PIAS1: variants seen among roughly 807,000 people sequenced by gnomAD.
PIAS1 encodes protein inhibitor of activated STAT 1.
Under a neutral mutation model 71.3 loss-of-function variants are expected in PIAS1, and 6 were observed. The ratio of observed to expected loss-of-function variants is 0.08; its 90% CI spans 0.05 to 0.17. The LOEUF (loss-of-function observed/expected upper bound fraction) is 0.17, where lower values mean the gene tolerates loss of function less well. PIAS1 is among the 10% of genes least tolerant of loss of function. PIAS1 has a pLI of 1.00. For synonymous variants in PIAS1, 303 were observed against 292.9 expected (o/e 1.03, Z -0.35); for missense variants, 555 against 793.6 (o/e 0.70, Z 3.61).
chr15:68,086,637 A>T lies in PIAS1; in HGVS notation c.356A>T (p.Glu119Val). ...LPVSLLGPKH[E>V]LELPHLTSAL... ...GTTTCTCTTCTGGGACCTAAACATG[A>T]ACTGGAACTCCCACATCTTACATCA... is the stretch of plus-strand genomic sequence containing the variant. The change falls in exon 2 of 14, where the codon GAA becomes GTA. Residue 119 changes from glutamate to valine, a missense_variant. By Grantham distance (121) the Glu-to-Val change is moderately radical. Transcript: ENST00000249636. This position sits in a 1 kb window ranked among gnomAD's most constrained non-coding sequence, Gnocchi z 7.2. 2.5e-6 allele frequency: 4 copies of T among 1,613,402 alleles called. No homozygotes were observed. The highest frequency in any genetic ancestry group is 3.4e-6 in the Non-Finnish European group (4 of 1,179,368).
chr15:68,066,402 C>G (rs1377744695), intron 1 of PIAS1, among the ~76,000 whole-genome samples: 3 of 152,140 alleles, frequency 2.0e-5, no homozygotes, highest in African/African-American at 4.8e-5. Flanking sequence ...AGCCACCATG[C>G]CTGGCCTGAT....
At chr15:68,176,765 A>G (rs2141094152) in intron 11 of PIAS1, 111 bp downstream of exon 11, 1 of 789,788 alleles carries the variant, frequency 1.3e-6, no homozygotes, top group Non-Finnish European at 1.9e-6. Flanking sequence ...TTAACTTAGC[A>G]ATCAAAGAAT....
At chr15:68,109,478 T>C (rs372811164) in intron 2 of PIAS1, among the ~76,000 whole-genome samples, 6 of 152,302 alleles carry the variant, frequency 3.9e-5, no homozygotes, top group South Asian at 2.1e-4. Context: ...TCAGTAAATA[T>C]TAGTTGAGTA....
chr15:68,094,736 G>T (rs1365507024), intron 2 of PIAS1, among the ~76,000 whole-genome samples: 1 of 152,142 alleles, frequency 6.6e-6, no homozygotes, highest in Non-Finnish European at 1.5e-5. Context: ...AGATAATTCA[G>T]CATAAACTGT....
chr15:68,140,279 A>G (rs1004758579), intron 2 of PIAS1, among the ~76,000 whole-genome samples: 2 of 152,174 alleles, frequency 1.3e-5, no homozygotes, highest in Non-Finnish European at 2.9e-5. Context: ...GAGTAATATG[A>G]ATTTTTGGAC....
rs2093093924 is a variant in PIAS1 at position 68,187,255 on chromosome 15, T to C, written c.1663-287T>C. Among the ~76,000 whole-genome samples the C allele has an allele frequency of 6.6e-6, 1 of 152,190 alleles. No individual in the cohort carries two copies. Among genetic ancestry groups the C allele is most frequent in the African/African-American group, 2.4e-5 (1 of 41,452 alleles). ...CCTCCTGCTGCTTCTGAGCATATGC[T>C]TCTTGGGAAATAGAATTGGTAATTG... On this transcript the variant is annotated intron_variant, in intron 13 of 13. Transcript: ENST00000249636. This position sits in a 1 kb window ranked among gnomAD's most constrained non-coding sequence, Gnocchi z 5.3.
chr15:68,183,720 A>C (rs2093070328), intron 13 of PIAS1, 53 bp downstream of exon 13: 2 of 700,378 alleles, frequency 2.9e-6, no homozygotes, highest in Admixed American at 2.6e-5. Context: ...AAATACAGTC[A>C]TGCGCCACAT....
At chr15:68,114,932 A>G (rs1485449885) in intron 2 of PIAS1, among the ~76,000 whole-genome samples, 1 of 151,874 alleles carries the variant, frequency 6.6e-6, no homozygotes, top group African/African-American at 2.4e-5. Context: ...TTTCTTGGAG[A>G]TGAAACTTTG....
chr15:68,110,554 C>G lies in PIAS1; in HGVS notation c.469+23804C>G, dbSNP rs190870389. On this transcript the variant is annotated intron_variant, in intron 2 of 13. Coordinates refer to ENST00000249636, the MANE Select transcript of PIAS1 (RefSeq NM_016166.3). The stretch of plus-strand genomic sequence containing the variant: ...GAGGTTGCAGTGAGGCAAGATCGCA[C>G]CATTGCACTCCAGCCTGGGCAACAA... Among the ~76,000 whole-genome samples, 40 of 152,144 alleles carry G rather than the reference C, an allele frequency of 2.6e-4. 1 individual carries two copies. The East Asian group carries it at 3.3e-3, about 13-fold the overall frequency.
intron 2 of PIAS1, among the ~76,000 whole-genome samples, chr15:68,103,332 CTTT>C (rs11306018): frequency 2.1e-5 from 3 of 145,920 alleles, no homozygotes; most frequent in African/African-American, 2.5e-5. Context: ...TATTATTATC[CTTT>C]TTTTTTTTTT....
At chr15:68,085,839 A>G (rs1209402196) in intron 1 of PIAS1, among the ~76,000 whole-genome samples, 1 of 152,216 alleles carries the variant, frequency 6.6e-6, no homozygotes, top group Non-Finnish European at 1.5e-5. Context: ...ATAGCTATTG[A>G]TATCCTGCCT....
intron 6 of PIAS1, among the ~76,000 whole-genome samples, chr15:68,153,048 G>A (rs910157315): frequency 6.6e-6 from 1 of 151,264 alleles, no homozygotes; most frequent in Admixed American, 6.6e-5. Context: ...TGTGATAATG[G>A]CCCAAGTATA....
rs556976417 is a variant in PIAS1, at chr15:68,129,675, A to G, written c.470-12271A>G. On this transcript the variant is annotated intron_variant, in intron 2 of 13. Transcript: ENST00000249636. Reference sequence around the variant, plus strand: ...AAAATTATTTTTAAATTGTGTTTATATAGTGGATACTTTGCAGACATTGAA... The same window carrying G: ...AAAATTATTTTTAAATTGTGTTTATGTAGTGGATACTTTGCAGACATTGAA... Among the ~76,000 whole-genome samples, 106 of 152,266 alleles carry G rather than the reference A, an allele frequency of 7.0e-4. 1 individual carries two copies. Among genetic ancestry groups the G allele is most frequent in the African/African-American group, 2.4e-3 (101 of 41,572 alleles).
At chr15:68,156,098 A>C (rs1478903799) in intron 7 of PIAS1, among the ~76,000 whole-genome samples, 1 of 152,224 alleles carries the variant, frequency 6.6e-6, no homozygotes, top group Non-Finnish European at 1.5e-5. Flanking sequence ...AATTGTGTTA[A>C]GAGTCTACTG....
intron 2 of PIAS1, among the ~76,000 whole-genome samples, chr15:68,115,343 T>C (rs938563337): frequency 6.6e-6 from 1 of 151,888 alleles, no homozygotes. Flanking sequence ...ATACTGTAAA[T>C]GGTATTTTTT....
chr15:68,176,699 A>C (rs2093022285), intron 11 of PIAS1, 45 bp downstream of exon 11: 1 of 1,357,458 alleles, frequency 7.4e-7, no homozygotes, highest in East Asian at 2.4e-5. Flanking sequence ...ATGAAAATTA[A>C]CTTGGCAAAT....
At chr15:68,075,707 G>A (rs1286863735) in intron 1 of PIAS1, among the ~76,000 whole-genome samples, 1 of 151,412 alleles carries the variant, frequency 6.6e-6, no homozygotes, top group East Asian at 1.9e-4. Flanking sequence ...TGCAAGACCT[G>A]AATAACTTTT....
chr15:68,077,842 C>A (rs1406634116), intron 1 of PIAS1, among the ~76,000 whole-genome samples: 3 of 152,222 alleles, frequency 2.0e-5, no homozygotes, highest in African/African-American at 7.2e-5. Context: ...GGAAATAGTT[C>A]AGTACCACCC....
chr15:68,058,970 T>C (rs917398222), intron 1 of PIAS1, among the ~76,000 whole-genome samples: 3 of 152,192 alleles, frequency 2.0e-5, no homozygotes, highest in Non-Finnish European at 2.9e-5. Context: ...CATTGTGTTT[T>C]ATTAAACTAG....
Sources: allele counts gnomAD v4.1 joint callset (sites outside exome capture counted in the v4.1 genomes callset), GRCh38; gene constraint gnomAD v4.1.1; non-coding constraint Gnocchi (gnomAD v3.1); transcripts MANE v1.5; gene names NCBI Gene and HGNC (gene_info 2026-07-23, HGNC 2026-07-21).